CREB5: variants seen among roughly 807,000 people sequenced by gnomAD.
The protein encoded by CREB5 is cyclic AMP-responsive element-binding protein 5.
Under a neutral mutation model 57.1 loss-of-function variants are expected in CREB5, and 19 were observed. The ratio of observed to expected loss-of-function variants is 0.33; its 90% CI spans 0.23 to 0.49. CREB5 has a LOEUF of 0.49. Ranked by LOEUF, CREB5 falls within the 20% of genes least tolerant of loss-of-function variation. CREB5 has a pLI of 0.99. For missense variants in CREB5, 579 were observed against 671.6 expected, an observed-to-expected ratio of 0.86 and a Z score of 1.52; for synonymous variants, 238 against 238.3, an observed-to-expected ratio of 1.00 and a Z score of 0.01.
intron 1 of CREB5, among the ~76,000 whole-genome samples, chr7:28,354,743 T>C (rs1786306841): frequency 6.6e-6 from 1 of 152,198 alleles, no homozygotes; most frequent in South Asian, 2.1e-4. Context: ...GATGCTTGTT[T>C]TCCCAGCCAT....
At chr7:28,365,752 C>T (rs777873900) in intron 1 of CREB5, among the ~76,000 whole-genome samples, 1 of 152,208 alleles carries the variant, frequency 6.6e-6, no homozygotes, top group Non-Finnish European at 1.5e-5. Flanking sequence ...CATTTTACCT[C>T]TCAGCAACAT....
chr7:28,371,626 G>A (rs896757344), intron 1 of CREB5, among the ~76,000 whole-genome samples: 1 of 152,150 alleles, frequency 6.6e-6, no homozygotes, highest in Admixed American at 6.5e-5. Flanking sequence ...TTAGTATCTG[G>A]CCTTCTCAGG....
chr7:28,663,865 C>A (rs1217457783), intron 5 of CREB5, among the ~76,000 whole-genome samples: 3 of 152,178 alleles, frequency 2.0e-5, no homozygotes, highest in African/African-American at 7.2e-5. Flanking sequence ...TTTAGTACTG[C>A]AGGTACTGCT....
At chr7:28,600,460 C>T (rs1050383496) in intron 5 of CREB5, among the ~76,000 whole-genome samples, 6 of 152,152 alleles carry the variant, frequency 3.9e-5, no homozygotes, top group African/African-American at 1.4e-4. Context: ...TGGGAGAAAA[C>T]TCGCTGTAGC....
chr7:28,613,603 G>A (rs1174914758), intron 5 of CREB5, among the ~76,000 whole-genome samples: 2 of 152,194 alleles, frequency 1.3e-5, no homozygotes, highest in Non-Finnish European at 2.9e-5. Flanking sequence ...TACTCCTTCT[G>A]CTTTGATTTC....
At position 28,608,569 on chromosome 7, in the gene CREB5, C is replaced by T. The variant is rs1336609618; in HGVS notation, c.464+38032C>T. Among the ~76,000 whole-genome samples, 2 of 152,100 alleles carry T rather than the reference C, an allele frequency of 1.3e-5. 1 individual carries two copies. The highest frequency in any genetic ancestry group is 2.9e-5 in the Non-Finnish European group (2 of 68,014). On this transcript the variant is annotated intron_variant, in intron 5 of 10. Coordinates refer to ENST00000357727, the MANE Select transcript of CREB5 (RefSeq NM_182898.4). Reference sequence around the variant, plus strand: ...CCTGCCTCCCTGGCTCCCACCCTTCCACCCTCCTCCCAATCTCCCTCCCCA... The same window carrying T: ...CCTGCCTCCCTGGCTCCCACCCTTCTACCCTCCTCCCAATCTCCCTCCCCA...
At chr7:28,391,608 T>C (rs1005721021) in intron 1 of CREB5, among the ~76,000 whole-genome samples, 1 of 152,224 alleles carries the variant, frequency 6.6e-6, no homozygotes, top group Non-Finnish European at 1.5e-5. Context: ...TGATGGTCAA[T>C]CACTTGGCAT....
chr7:28,755,772 G>A (rs926744281), intron 7 of CREB5, among the ~76,000 whole-genome samples: 3 of 152,106 alleles, frequency 2.0e-5, no homozygotes, highest in East Asian at 1.9e-4. Flanking sequence ...AGAGCTGCTC[G>A]CCATGAAAAG....
intron 5 of CREB5, among the ~76,000 whole-genome samples, chr7:28,717,685 CTT>C (rs1375770562): frequency 3.3e-5 from 5 of 152,284 alleles, no homozygotes; most frequent in African/African-American, 1.2e-4. Flanking sequence ...TTCTCTCTCT[CTT>C]AAGAGAATGC....
intron 5 of CREB5, among the ~76,000 whole-genome samples, chr7:28,577,567 G>A (rs931703755): frequency 2.6e-4 from 40 of 152,198 alleles, no homozygotes; most frequent in Non-Finnish European, 7.3e-5. Context: ...TTGCAGTTGA[G>A]TAAAGTAAGG....
At chr7:28,789,223 T>C (rs1807518914) in intron 7 of CREB5, among the ~76,000 whole-genome samples, 2 of 152,246 alleles carry the variant, frequency 1.3e-5, no homozygotes. Context: ...ATAGGTATTA[T>C]ATGAATCACT....
At chr7:28,689,309 A>G (rs968194749) in intron 5 of CREB5, among the ~76,000 whole-genome samples, 2 of 152,132 alleles carry the variant, frequency 1.3e-5, no homozygotes, top group African/African-American at 4.8e-5. Flanking sequence ...TCTACTAAAA[A>G]TACAAAAAAT....
intron 7 of CREB5, among the ~76,000 whole-genome samples, chr7:28,778,587 TAAG>T (rs1433444432): frequency 6.6e-6 from 1 of 152,184 alleles, no homozygotes; most frequent in Non-Finnish European, 1.5e-5. Context: ...ATATAAATAA[TAAG>T]GAGTAAGTAT....
intron 5 of CREB5, among the ~76,000 whole-genome samples, chr7:28,619,845 G>T (rs1448257487): frequency 2.0e-5 from 3 of 152,168 alleles, no homozygotes; most frequent in Non-Finnish European, 4.4e-5. Context: ...CCTGGATGTT[G>T]GTCATGTGCC....
At chr7:28,562,649 A>C (rs1274855464) in intron 4 of CREB5, among the ~76,000 whole-genome samples, 1 of 152,198 alleles carries the variant, frequency 6.6e-6, no homozygotes, top group East Asian at 1.9e-4. Flanking sequence ...CTCAAGTCAA[A>C]GGGGAGCTGC....
intron 3 of CREB5, among the ~76,000 whole-genome samples, 174 bp downstream of exon 3, chr7:28,495,173 G>A (rs1201045397): frequency 6.6e-6 from 1 of 152,058 alleles, no homozygotes; most frequent in African/African-American, 2.4e-5. Flanking sequence ...ACTGAAGAGC[G>A]GCAACTTCTC....
intron 3 of CREB5, among the ~76,000 whole-genome samples, chr7:28,497,035 C>T (rs1792087494): frequency 6.6e-6 from 1 of 151,974 alleles, no homozygotes; most frequent in Non-Finnish European, 1.5e-5. Context: ...CTGCAATTCC[C>T]AATATTTAAA....
chr7:28,603,786 T>C lies in CREB5; in HGVS notation c.464+33249T>C, dbSNP rs183928901. Among the ~76,000 whole-genome samples the C allele has an allele frequency of 2.2e-3, 340 of 152,348 alleles. 1 individual carries two copies. Among genetic ancestry groups the C allele is most frequent in the Non-Finnish European group, 2.8e-3 (192 of 68,032 alleles). On this transcript the variant is annotated intron_variant, in intron 5 of 10. Coordinates refer to ENST00000357727, the MANE Select transcript of CREB5 (RefSeq NM_182898.4). The stretch of plus-strand genomic sequence containing the variant: ...GGTAAGTTATAGCCAGTGGTGCTTT[T>C]AGTTTAGAAAACAGTGTGGAAGTTT...
chr7:28,515,132 A>G (rs1484117491), intron 4 of CREB5, among the ~76,000 whole-genome samples: 1 of 152,194 alleles, frequency 6.6e-6, no homozygotes, highest in Non-Finnish European at 1.5e-5. Flanking sequence ...TAAATATACT[A>G]TTAATGATAA....
Sources: gnomAD v4.1 joint callset for allele counts (sites outside exome capture counted in the v4.1 genomes callset) on GRCh38, gnomAD v4.1.1 for gene constraint, MANE v1.5 for transcripts, NCBI Gene and HGNC (gene_info 2026-07-23, HGNC 2026-07-21) for gene names.